The following AGBL1 variants were observed in gnomAD, a reference collection of about 807,000 sequenced individuals.
AGBL1 encodes AGBL carboxypeptidase 1.
AGBL1 carries 130 observed loss-of-function variants against 118.9 expected under a neutral mutation model. The observed-to-expected ratio is 1.09, with a 90% CI of 0.95 to 1.26. AGBL1 has a LOEUF of 1.26. Ranked by LOEUF, AGBL1 falls within the 50% of genes most tolerant of loss-of-function variation. The pLI, the probability that AGBL1 is intolerant of heterozygous loss-of-function variation, is 0.00. For synonymous variants in AGBL1, 555 were observed against 478.9 expected (o/e 1.16, Z -2.08); for missense variants, 1,584 against 1,298.1 (o/e 1.22, Z -3.38).
rs67431863 is a variant in AGBL1 at position 86,670,650 on chromosome 15, G to GTA, written c.2995-3610_2995-3609dup. On this transcript the variant is annotated intron_variant, in intron 21 of 22. Transcript: ENST00000614907. ...ACAAACACGCTGTGTGTGTGTGTGTGTATATATATATATAGCAAACTTATA... is the reference window on the plus strand; with the variant it reads ...ACAAACACGCTGTGTGTGTGTGTGTGTATATATATATATATAGCAAACTTATA... 3.5e-3 allele frequency among the ~76,000 whole-genome samples: 491 copies of GTA among 141,050 alleles called. 8 individuals are homozygous for GTA. Among genetic ancestry groups the GTA allele is most frequent in the African/African-American group, 0.011 (410 of 38,084 alleles). The allele number at this position is 141,050 out of a possible 152,430, so 92.5% of individuals were successfully genotyped here.
intron 18 of AGBL1, among the ~76,000 whole-genome samples, chr15:86,520,025 G>A (rs2083166522): frequency 6.6e-6 from 1 of 152,132 alleles, no homozygotes; most frequent in Non-Finnish European, 1.5e-5. Flanking sequence ...CAAGTACACT[G>A]TTACTTAAAA....
At chr15:86,580,935 A>G (rs1472958717) in intron 21 of AGBL1, among the ~76,000 whole-genome samples, 2 of 152,124 alleles carry the variant, frequency 1.3e-5, no homozygotes, top group African/African-American at 4.8e-5. Flanking sequence ...CTACAGTAAA[A>G]TTTACTTACA....
At chr15:86,168,713 A>G (rs186743791) in intron 5 of AGBL1, among the ~76,000 whole-genome samples, 16 of 152,342 alleles carry the variant, frequency 1.1e-4, no homozygotes, top group Admixed American at 6.5e-4. Flanking sequence ...CTCAAAGTTC[A>G]GAGTGATATA....
chr15:86,273,746 TTAAAGTCCCAGATTTG>T (rs1373621014), intron 15 of AGBL1, among the ~76,000 whole-genome samples: 1 of 152,334 alleles, frequency 6.6e-6, no homozygotes, highest in Admixed American at 6.5e-5. Context: ...TATTATGCTG[TTAAAGTCCCAGATTTG>T]GTGCCATGTT....
chr15:86,890,961 G>A (rs1455426853), intron 22 of AGBL1, among the ~76,000 whole-genome samples: 1 of 152,118 alleles, frequency 6.6e-6, no homozygotes, highest in Non-Finnish European at 1.5e-5. Context: ...AATGGAAATA[G>A]CATTGAATCT....
At chr15:86,862,113 C>T (rs890827679) in intron 22 of AGBL1, among the ~76,000 whole-genome samples, 12 of 152,088 alleles carry the variant, frequency 7.9e-5, no homozygotes, top group Non-Finnish European at 1.5e-4. Flanking sequence ...AACAACAGTA[C>T]CTACTTCTTA....
At chr15:86,744,120 G>T (rs2077720368) in intron 22 of AGBL1, among the ~76,000 whole-genome samples, 1 of 152,094 alleles carries the variant, frequency 6.6e-6, no homozygotes, top group South Asian at 2.1e-4. Flanking sequence ...AATGAAATGG[G>T]AGATTCAACT....
chr15:87,003,189 G>A (rs554341064), intron 24 of AGBL1, among the ~76,000 whole-genome samples: 3 of 124,590 alleles, frequency 2.4e-5, no homozygotes, highest in African/African-American at 1.2e-4. Flanking sequence ...TAGTATGAAG[G>A]GCTGTTGAAT....
At chr15:86,547,046 G>C (rs1483700254) in intron 20 of AGBL1, among the ~76,000 whole-genome samples, 1 of 152,064 alleles carries the variant, frequency 6.6e-6, no homozygotes, top group Admixed American at 6.6e-5. Context: ...CTCTTCTCTA[G>C]CCTTCTTCAC....
intron 22 of AGBL1, among the ~76,000 whole-genome samples, chr15:86,676,077 T>A (rs1480842292): frequency 2.0e-5 from 3 of 152,226 alleles, no homozygotes; most frequent in African/African-American, 7.2e-5. Flanking sequence ...TTCAATTGCA[T>A]CCTGACCAAG....
chr15:86,739,280 T>C (rs2141231415), intron 22 of AGBL1, among the ~76,000 whole-genome samples: 1 of 151,410 alleles, frequency 6.6e-6, no homozygotes, highest in Middle Eastern at 3.4e-3. Context: ...CTTGTCTCTA[T>C]TAAAAATACA....
At chr15:86,443,757 G>A (rs913951748) in intron 18 of AGBL1, among the ~76,000 whole-genome samples, 3 of 152,108 alleles carry the variant, frequency 2.0e-5, no homozygotes, top group African/African-American at 7.2e-5. Context: ...AAACTCACCT[G>A]TGTTGCCATG....
chr15:86,266,868 C>A, intron 12 of AGBL1, 122 bp from the exon 13 acceptor site: 1 of 883,596 alleles, frequency 1.1e-6, no homozygotes, highest in Non-Finnish European at 1.8e-6. Flanking sequence ...GCCCTGCACT[C>A]CAGCCTGGGC....
At chr15:86,314,061 T>C (rs2079960329) in intron 17 of AGBL1, among the ~76,000 whole-genome samples, 1 of 152,208 alleles carries the variant, frequency 6.6e-6, no homozygotes, top group Non-Finnish European at 1.5e-5. Flanking sequence ...TTATTGAGGC[T>C]ATCTGAATAT....
chr15:86,906,883 T>C (rs1469892152), intron 22 of AGBL1, among the ~76,000 whole-genome samples: 1 of 152,206 alleles, frequency 6.6e-6, no homozygotes, highest in Non-Finnish European at 1.5e-5. Context: ...AGCAGTGATC[T>C]GAGGTTAAAA....
At chr15:86,103,214 A>G (rs890604102) in intron 1 of AGBL1, among the ~76,000 whole-genome samples, 13 of 152,034 alleles carry the variant, frequency 8.6e-5, no homozygotes, top group African/African-American at 2.9e-4. Context: ...TTTGTGATAT[A>G]TTTGTATTGT....
At chr15:86,248,819 C>A (rs1304163511) in intron 7 of AGBL1, among the ~76,000 whole-genome samples, 5 of 152,092 alleles carry the variant, frequency 3.3e-5, no homozygotes, top group Admixed American at 3.3e-4. Flanking sequence ...GAAGTAAGGG[C>A]ATAGGTCTAC....
chr15:86,228,113 G>T (rs1304475496), intron 6 of AGBL1, among the ~76,000 whole-genome samples: 1 of 152,160 alleles, frequency 6.6e-6, no homozygotes, highest in African/African-American at 2.4e-5. Context: ...ATGAGTCAGG[G>T]GTTGCTGCAG....
intron 18 of AGBL1, among the ~76,000 whole-genome samples, chr15:86,416,696 G>A (rs2081701043): frequency 2.0e-5 from 3 of 152,076 alleles, no homozygotes; most frequent in Admixed American, 2.0e-4. Context: ...TAATGTAACG[G>A]ATATCATCTG....
Sources: allele counts gnomAD v4.1 joint callset (sites outside exome capture counted in the v4.1 genomes callset), GRCh38; gene constraint gnomAD v4.1.1; transcripts MANE v1.5; gene names NCBI Gene and HGNC (gene_info 2026-07-23, HGNC 2026-07-21).